The following ZNF616 variants were observed in gnomAD, a reference collection of about 807,000 sequenced individuals.
ZNF616 encodes the protein zinc finger protein 616.
ZNF616 carries 5 observed loss-of-function variants against 7.6 expected under a neutral mutation model. The ratio of observed to expected loss-of-function variants is 0.66; its 90% CI spans 0.34 to 1.38. The LOEUF (loss-of-function observed/expected upper bound fraction) is 1.38. ZNF616 is among the 40% of genes most tolerant of loss of function. The pLI is 0.04. For synonymous variants in ZNF616, 319 were observed against 317.2 expected, an observed-to-expected ratio of 1.01 and a Z score of -0.06; for missense variants, 913 against 948.3, an observed-to-expected ratio of 0.96 and a Z score of 0.49.
chr19:52,130,169 A>G (rs1339197848), intron 2 of ZNF616, among the ~76,000 whole-genome samples: 1 of 152,156 alleles, frequency 6.6e-6, no homozygotes, highest in Non-Finnish European at 1.5e-5. Flanking sequence ...CAGTGCATCC[A>G]GATGTGGCCC....
In ZNF616 at chr19:52,139,484, T is replaced by G. The variant is rs1294617023; in HGVS notation, c.-77+248A>C. Among the ~76,000 whole-genome samples the G allele has an allele frequency of 6.6e-6, 1 of 152,036 alleles. No individual in the cohort carries two copies. Among genetic ancestry groups the G allele is most frequent in the African/African-American group, 2.4e-5 (1 of 41,418 alleles). On this transcript the variant is annotated intron_variant, in intron 1 of 3. Coordinates refer to ENST00000600228, the MANE Select transcript of ZNF616 (RefSeq NM_178523.5). This position sits in a 1 kb window ranked among gnomAD's most constrained non-coding sequence, Gnocchi z 4.1. ...GAGAAGAAGCGGCTCCTTCAGGAGC[T>G]GGGCAGCGGGCGCTCCCCTCCAGGC... is the stretch of plus-strand genomic sequence containing the variant.
In ZNF616 at chr19:52,130,608, T is replaced by G. The variant is rs2088949948; in HGVS notation, c.-76-20A>C. On this transcript the variant is annotated intron_variant, in intron 1 of 3. Coordinates refer to ENST00000600228, the MANE Select transcript of ZNF616 (RefSeq NM_178523.5). ...TCAAACCTGAAAGTTAAAAAATCTG[T>G]TGTTTAATGCTTGGAAACAACACAT... 5 of 1,529,324 alleles carry G rather than the reference T, an allele frequency of 3.3e-6. No homozygotes were observed. In the African/African-American group the frequency reaches 6.9e-5, roughly 21 times the overall value. The allele number at this position is 1,529,324 out of a possible 1,614,324, so 94.7% of individuals were successfully genotyped here.
chr19:52,122,245 G>A (rs191821622), intron 3 of ZNF616: 1 of 152,268 alleles, frequency 6.6e-6, no homozygotes, highest in Admixed American at 6.5e-5. Flanking sequence ...CAGCACTTTG[G>A]GAGGCCGAGA....
At chr19:52,122,729 G>T (rs995828949) in intron 3 of ZNF616, among the ~76,000 whole-genome samples, 6 of 151,248 alleles carry the variant, frequency 4.0e-5, no homozygotes, top group African/African-American at 1.5e-4. Context: ...CCGCCTCCCG[G>T]GTTCATGCCA....
intron 3 of ZNF616, 105 bp downstream of exon 3, chr19:52,123,818 A>T: frequency 7.1e-7 from 1 of 1,402,548 alleles, no homozygotes; most frequent in Non-Finnish European, 9.9e-7. Flanking sequence ...TTGAACCAAT[A>T]AGGCTTCAGT....
rs35226169 is a variant in ZNF616 at position 52,137,053 on chromosome 19, G to GTATATATATATA, written c.-77+2667_-77+2678dup. Reference sequence around the variant, plus strand: ...TGTGTGTATATATATTTATGTATGTGTATATATATATATATATATATACAG... The same window carrying GTATATATATATA: ...TGTGTGTATATATATTTATGTATGTGTATATATATATATATATATATATATATATATATACAG... On this transcript the variant is annotated intron_variant, in intron 1 of 3. Coordinates refer to ENST00000600228, the MANE Select transcript of ZNF616 (RefSeq NM_178523.5). 7.6e-3 allele frequency among the ~76,000 whole-genome samples: 1,085 copies of GTATATATATATA among 143,680 alleles called. 5 individuals are homozygous for GTATATATATATA. Among genetic ancestry groups the GTATATATATATA allele is most frequent in the African/African-American group, 0.02 (762 of 38,640 alleles). The allele number at this position is 143,680 out of a possible 152,430, so 94.3% of individuals were successfully genotyped here.
At chr19:52,129,325 GT>G (rs2088937761) in intron 2 of ZNF616, among the ~76,000 whole-genome samples, 1 of 151,804 alleles carries the variant, frequency 6.6e-6, no homozygotes, top group African/African-American at 2.4e-5. Flanking sequence ...TATCATCCTC[GT>G]GTTGTATTAA....
At chr19:52,126,135 A>G (rs946095052) in intron 2 of ZNF616, among the ~76,000 whole-genome samples, 1 of 152,232 alleles carries the variant, frequency 6.6e-6, no homozygotes, top group African/African-American at 2.4e-5. Flanking sequence ...TAAAACATAC[A>G]AAGAAACAGG....
chr19:52,127,592 T>C (rs553831523), intron 2 of ZNF616, among the ~76,000 whole-genome samples: 2 of 152,340 alleles, frequency 1.3e-5, no homozygotes, highest in South Asian at 4.1e-4. Context: ...CACAGTATTT[T>C]ATAATCACAC....
rs776114741 is a variant in ZNF616, at chr19:52,114,792, G to T, written c.*26C>A. Reference sequence around the variant, plus strand: ...GTATATCAGTAAGTAGGAATTATTCGGTGATTCCAGAAACTAGGACAACGT... The same window carrying T: ...GTATATCAGTAAGTAGGAATTATTCTGTGATTCCAGAAACTAGGACAACGT... On this transcript the variant is annotated 3_prime_UTR_variant, in exon 4 of 4. Transcript: ENST00000600228. The T allele has an allele frequency of 6.5e-7, 1 of 1,532,900 alleles. No individual in the cohort carries two copies. Among genetic ancestry groups the T allele is most frequent in the South Asian group, 1.3e-5 (1 of 75,976 alleles). The allele number at this position is 1,532,900 out of a possible 1,614,324, so 95.0% of individuals were successfully genotyped here.
chr19:52,136,831 G>A (rs2089013200), intron 1 of ZNF616, among the ~76,000 whole-genome samples: 1 of 152,054 alleles, frequency 6.6e-6, no homozygotes, highest in Admixed American at 6.6e-5. Flanking sequence ...GAGAAGCTGA[G>A]ATGGGAAGAT....
rs781172059 is a variant in ZNF616, at chr19:52,115,064, A to G, written c.2100T>C (p.His700=). 6.2e-6 allele frequency: 10 copies of G among 1,613,898 alleles called. No individual in the cohort carries two copies. Among genetic ancestry groups the G allele is most frequent in the Non-Finnish European group, 8.5e-6 (10 of 1,179,998 alleles). The change falls in exon 4 of 4, where the codon CAT becomes CAC. Residue 700 remains histidine (H), a synonymous_variant. Coordinates refer to ENST00000600228, the MANE Select transcript of ZNF616 (RefSeq NM_178523.5). ...KCDECGKVFR[H]SSHLVSHQRI... ...TCTGGTGACTTACAAGATGTGAACTATGCCTGAATACCTTGCCACATTCAT... is the reference window on the plus strand; with the variant it reads ...TCTGGTGACTTACAAGATGTGAACTGTGCCTGAATACCTTGCCACATTCAT...
Position 52,139,406 on chromosome 19 carries a change from C to T in ZNF616, c.-77+326G>A, listed in dbSNP as rs530318882. 6.6e-5 allele frequency among the ~76,000 whole-genome samples: 10 copies of T among 151,542 alleles called. No individual in the cohort carries two copies. The highest frequency in any genetic ancestry group is 1.5e-4 in the Non-Finnish European group (10 of 67,980). On this transcript the variant is annotated intron_variant, in intron 1 of 3. Coordinates refer to ENST00000600228, the MANE Select transcript of ZNF616 (RefSeq NM_178523.5). The surrounding 1 kb of genome is among the most constrained non-coding windows in gnomAD (Gnocchi z 4.1). ...GTGGCGCGCGGAGGACACTAGGTGG[C>T]GCGGGGGACGGTGTCTCAGGACAGG...
intron 2 of ZNF616, among the ~76,000 whole-genome samples, chr19:52,128,736 C>T (rs935435998): frequency 6.8e-6 from 1 of 146,324 alleles, no homozygotes; most frequent in Non-Finnish European, 1.5e-5. Flanking sequence ...GACGAAACTC[C>T]GTCTCAAAAA....
At chr19:52,118,861 G>A (rs1477706358) in intron 3 of ZNF616, among the ~76,000 whole-genome samples, 1 of 152,154 alleles carries the variant, frequency 6.6e-6, no homozygotes, top group East Asian at 1.9e-4. Flanking sequence ...CACACAAGCA[G>A]TTAGTATGCC....
rs1338776496 is a variant in ZNF616, at chr19:52,139,906, G to A, written c.-251C>T. On this transcript the variant is annotated 5_prime_UTR_variant, in exon 1 of 4. Transcript: ENST00000600228. The surrounding 1 kb of genome is among the most constrained non-coding windows in gnomAD (Gnocchi z 4.1). ...GACTGAAACACACACACAGCGATAA[G>A]GCCTTTCCCTGGCGCAATCTGCTTC... is the stretch of plus-strand genomic sequence containing the variant. 2 of 152,262 alleles carry A rather than the reference G, an allele frequency of 1.3e-5. No individual in the cohort carries two copies. The highest frequency in any genetic ancestry group is 2.4e-5 in the African/African-American group (1 of 41,438). 9.4% of individuals were successfully genotyped at this position (152,262 alleles called of 1,614,324 possible). A position where few individuals can be genotyped will look rare whatever the true frequency, so the allele number is the denominator to read the frequency against.
chr19:52,137,982 A>C (rs2089027345), intron 1 of ZNF616, among the ~76,000 whole-genome samples: 2 of 152,052 alleles, frequency 1.3e-5, no homozygotes, highest in African/African-American at 4.8e-5. Flanking sequence ...AACACTCTCA[A>C]CTCTCCTTCA....
chr19:52,129,422 A>G (rs2088938519), intron 2 of ZNF616, among the ~76,000 whole-genome samples: 1 of 152,178 alleles, frequency 6.6e-6, no homozygotes, highest in Admixed American at 6.6e-5. Context: ...AATAAATATA[A>G]TATTTAATAA....
chr19:52,119,382 A>G (rs1379461405), intron 3 of ZNF616, among the ~76,000 whole-genome samples: 44 of 150,698 alleles, frequency 2.9e-4, no homozygotes, highest in Admixed American at 2.9e-3. Flanking sequence ...TATGAAAAAA[A>G]AAAAGAAAAA....
Sources: allele counts gnomAD v4.1 joint callset (sites outside exome capture counted in the v4.1 genomes callset), GRCh38; gene constraint gnomAD v4.1.1; non-coding constraint Gnocchi (gnomAD v3.1); transcripts MANE v1.5; gene names NCBI Gene and HGNC (gene_info 2026-07-23, HGNC 2026-07-21).